Variants in CSMD3 observed in about 807,000 individuals in gnomAD.
CSMD3 encodes the protein CUB and Sushi multiple domains 3, also known as CUB and sushi domain-containing protein 3.
Under a neutral mutation model 435.2 loss-of-function variants are expected in CSMD3, and 177 were observed. The ratio of observed to expected loss-of-function variants is 0.41; its 90% CI spans 0.36 to 0.46. CSMD3 has a LOEUF of 0.46. Ranked by LOEUF, CSMD3 falls within the 20% of genes least tolerant of loss-of-function variation. CSMD3 has a pLI of 0.34. For missense variants in CSMD3, 4,265 were observed against 4,504.6 expected, an observed-to-expected ratio of 0.95 and a Z score of 1.52; for synonymous variants, 1,656 against 1,520.5, an observed-to-expected ratio of 1.09 and a Z score of -2.07.
chr8:112,769,692 T>C lies in CSMD3; in HGVS notation c.1972+30470A>G, dbSNP rs145073077. On this transcript the variant is annotated intron_variant, in intron 13 of 70. Coordinates refer to ENST00000297405, the MANE Select transcript of CSMD3 (RefSeq NM_198123.2). ...TAGAAATATTTTATTTAATTAGATA[T>C]TTTGGTTGTCTTGTAATGAATCATC... 4.8e-3 allele frequency among the ~76,000 whole-genome samples: 725 copies of C among 152,122 alleles called. 11 individuals are homozygous for C. The highest frequency in any genetic ancestry group is 0.017 in the African/African-American group (700 of 41,540).
At chr8:112,566,500 G>T (rs932893639) in intron 24 of CSMD3, among the ~76,000 whole-genome samples, 2 of 152,066 alleles carry the variant, frequency 1.3e-5, no homozygotes. Flanking sequence ...TAGGAGTTAA[G>T]AAATTATTTA....
Position 113,092,650 on chromosome 8 carries a change from CTTG to C in CSMD3, c.917+6103_917+6105del, listed in dbSNP as rs1466733643. 3.9e-5 allele frequency among the ~76,000 whole-genome samples: 6 copies of C among 152,150 alleles called. No homozygotes were observed. In the East Asian group the frequency reaches 9.7e-4, roughly 25 times the overall value. On this transcript the variant is annotated intron_variant, in intron 5 of 70. Coordinates refer to ENST00000297405, the MANE Select transcript of CSMD3 (RefSeq NM_198123.2). ...GACTGCCATTTGGGTTTTCCTTTTC[CTTG>C]TTCTTCTTCCTACCGTTTGAAGTGT...
At chr8:112,343,001 T>TTATATATATA (rs34740069) in intron 41 of CSMD3, among the ~76,000 whole-genome samples, 12 of 109,678 alleles carry the variant, frequency 1.1e-4, no homozygotes, top group African/African-American at 3.9e-4. Flanking sequence ...ATATATATAT[T>TTATATATATA]TATATATATA....
At chr8:113,330,050 A>C (rs1310650482) in intron 1 of CSMD3, among the ~76,000 whole-genome samples, 1 of 152,120 alleles carries the variant, frequency 6.6e-6, no homozygotes, top group Non-Finnish European at 1.5e-5. Context: ...AGAACCAAAA[A>C]TGTACATTTT....
chr8:112,541,655 G>A (rs73328694), intron 27 of CSMD3, among the ~76,000 whole-genome samples: 2,600 of 151,888 alleles, frequency 0.017, 75 homozygotes, highest in African/African-American at 0.06. Flanking sequence ...GACTTCACTG[G>A]TGAATTCTAC....
rs562653217 is a variant in CSMD3 at position 113,169,349 on chromosome 8, C to T, written c.709+4373G>A. ...TCAGCAATAATTTACCATACAACATCTACATCACTAACATCCAAGCTTCTC... is the reference window on the plus strand; with the variant it reads ...TCAGCAATAATTTACCATACAACATTTACATCACTAACATCCAAGCTTCTC... On this transcript the variant is annotated intron_variant, in intron 4 of 70. Coordinates refer to ENST00000297405, the MANE Select transcript of CSMD3 (RefSeq NM_198123.2). Among the ~76,000 whole-genome samples the T allele has an allele frequency of 3.3e-5, 5 of 152,180 alleles. No individual in the cohort carries two copies. In the South Asian group the frequency reaches 6.2e-4, roughly 19 times the overall value.
At chr8:112,454,959 G>C (rs1439239382) in intron 32 of CSMD3, among the ~76,000 whole-genome samples, 1 of 151,990 alleles carries the variant, frequency 6.6e-6, no homozygotes, top group East Asian at 1.9e-4. Context: ...GAGCCAAGGA[G>C]GTCGAGGCTA....
intron 26 of CSMD3, among the ~76,000 whole-genome samples, chr8:112,551,924 A>G (rs2131196912): frequency 6.6e-6 from 1 of 152,252 alleles, no homozygotes; most frequent in Admixed American, 6.5e-5. Context: ...CCAAAGCTGC[A>G]TAGTAAGGCT....
intron 22 of CSMD3, among the ~76,000 whole-genome samples, chr8:112,594,141 G>T (rs927679400): frequency 1.3e-5 from 2 of 152,128 alleles, no homozygotes; most frequent in African/African-American, 4.8e-5. Flanking sequence ...CAGACAGTGG[G>T]CACAGGTCAG....
intron 2 of CSMD3, among the ~76,000 whole-genome samples, chr8:113,287,153 A>G (rs1358008285): frequency 6.6e-6 from 1 of 152,004 alleles, no homozygotes; most frequent in Non-Finnish European, 1.5e-5. Context: ...TGCACCCTGT[A>G]CTGCTAATGC....
At chr8:112,528,023 T>C (rs1412929922) in intron 27 of CSMD3, among the ~76,000 whole-genome samples, 2 of 152,196 alleles carry the variant, frequency 1.3e-5, no homozygotes, top group Non-Finnish European at 2.9e-5. Context: ...AAGGTCCTGC[T>C]TTTTAAAACA....
intron 3 of CSMD3, among the ~76,000 whole-genome samples, chr8:113,276,831 C>G (rs910673606): frequency 6.6e-6 from 1 of 151,896 alleles, no homozygotes. Flanking sequence ...TGTCAAGTAT[C>G]CTATATTTTA....
At chr8:112,938,991 T>C (rs2083369912) in intron 9 of CSMD3, among the ~76,000 whole-genome samples, 1 of 152,118 alleles carries the variant, frequency 6.6e-6, no homozygotes, top group Non-Finnish European at 1.5e-5. Context: ...TGAAAGTGCT[T>C]TTGAGTTAAA....
At chr8:112,412,372 G>A (rs1811447317) in intron 32 of CSMD3, among the ~76,000 whole-genome samples, 1 of 150,684 alleles carries the variant, frequency 6.6e-6, no homozygotes, top group Admixed American at 6.6e-5. Context: ...GTGGTGGTCT[G>A]TTTCTTCATT....
intron 13 of CSMD3, among the ~76,000 whole-genome samples, chr8:112,753,051 T>C (rs2077611170): frequency 6.6e-6 from 1 of 151,918 alleles, no homozygotes; most frequent in Admixed American, 6.6e-5. Flanking sequence ...TCAGCCCCCT[T>C]AGTAGCTGGG....
intron 5 of CSMD3, among the ~76,000 whole-genome samples, chr8:113,084,911 T>G (rs1035502882): frequency 6.6e-6 from 1 of 152,060 alleles, no homozygotes; most frequent in African/African-American, 2.4e-5. Flanking sequence ...GATATTCATA[T>G]GCAGAAGAAT....
chr8:112,975,740 T>C, intron 7 of CSMD3, 97 bp downstream of exon 7: 2 of 1,587,098 alleles, frequency 1.3e-6, no homozygotes, highest in Non-Finnish European at 1.7e-6. Flanking sequence ...GCTTTCTATA[T>C]CTTGGCTCTC....
chr8:112,351,301 G>A, intron 39 of CSMD3, 57 bp from the exon 40 acceptor site: 2 of 1,095,210 alleles, frequency 1.8e-6, no homozygotes, highest in Non-Finnish European at 2.8e-6. Context: ...TAAATTTATT[G>A]TAGCATAGTC....
chr8:112,641,537 C>T (rs1332507867), intron 20 of CSMD3, among the ~76,000 whole-genome samples: 2 of 151,926 alleles, frequency 1.3e-5, no homozygotes, highest in African/African-American at 4.8e-5. Flanking sequence ...ATAAAAATGA[C>T]CTTCAAATGT....
Sources: allele counts gnomAD v4.1 joint callset (sites outside exome capture counted in the v4.1 genomes callset), GRCh38; gene constraint gnomAD v4.1.1; transcripts MANE v1.5; gene names NCBI Gene and HGNC (gene_info 2026-07-23, HGNC 2026-07-21).